Variants in CEP85L observed in about 807,000 individuals in gnomAD.
CEP85L encodes the protein centrosomal protein 85L.
In CEP85L, 60 loss-of-function variants were observed where a neutral mutation model predicts 100.3. The observed-to-expected ratio is 0.60, with a 90% CI of 0.49 to 0.74. The LOEUF is 0.74. CEP85L is among the 30% of genes least tolerant of loss of function. CEP85L has a pLI of 0.00. For synonymous variants in CEP85L, 319 were observed against 322.7 expected, an observed-to-expected ratio of 0.99 and a Z score of 0.12; for missense variants, 973 against 936.2, an observed-to-expected ratio of 1.04 and a Z score of -0.51.
At chr6:118,669,550 T>G (rs980949691) in intron 1 of CEP85L, among the ~76,000 whole-genome samples, 1 of 152,150 alleles carries the variant, frequency 6.6e-6, no homozygotes, top group African/African-American at 2.4e-5. Context: ...TACCTACTTT[T>G]AAATAACCAC....
intron 1 of CEP85L, among the ~76,000 whole-genome samples, chr6:118,674,523 C>CAAA (rs34699146): frequency 1.9e-5 from 2 of 106,352 alleles, no homozygotes; most frequent in African/African-American, 3.4e-5. Context: ...GACTCCATCT[C>CAAA]AAAAAAAAAA....
intron 3 of CEP85L, among the ~76,000 whole-genome samples, chr6:118,529,132 A>G (rs1239583039): frequency 6.6e-6 from 1 of 152,218 alleles, no homozygotes; most frequent in Admixed American, 6.5e-5. Context: ...GATGTGTTCA[A>G]ATTGATTCTT....
At chr6:118,607,531 G>A (rs573195620) in intron 2 of CEP85L, among the ~76,000 whole-genome samples, 11 of 152,290 alleles carry the variant, frequency 7.2e-5, no homozygotes, top group Admixed American at 2.0e-4. Context: ...AGAGTGCAAG[G>A]CAGATTAATC....
In CEP85L at chr6:118,660,923, T is replaced by G. The variant is rs567075274; in HGVS notation, c.-27-8115A>C. On this transcript the variant is annotated intron_variant, in intron 1 of 13. Transcript: ENST00000368488. ...TTTTTTGAGACGGAGTCTCGCACTGTCGCCTGGACTGGAGTACAATGGCAT... is the reference window on the plus strand; with the variant it reads ...TTTTTTGAGACGGAGTCTCGCACTGGCGCCTGGACTGGAGTACAATGGCAT... 2.0e-4 allele frequency among the ~76,000 whole-genome samples: 31 copies of G among 152,094 alleles called. No individual in the cohort carries two copies. In the South Asian group the frequency reaches 6.0e-3, roughly 30 times the overall value.
chr6:118,573,149 A>C (rs1184641716), intron 2 of CEP85L, among the ~76,000 whole-genome samples: 1 of 152,236 alleles, frequency 6.6e-6, no homozygotes, highest in Non-Finnish European at 1.5e-5. Context: ...AAGCTCATGA[A>C]GAAACTGCAA....
chr6:118,520,971 T>G (rs1172980708), intron 4 of CEP85L, among the ~76,000 whole-genome samples: 1 of 152,232 alleles, frequency 6.6e-6, no homozygotes, highest in Non-Finnish European at 1.5e-5. Context: ...TTTCTCTGCT[T>G]TAACCTAATA....
At chr6:118,639,249 T>C (rs1223927816) in intron 1 of CEP85L, among the ~76,000 whole-genome samples, 1 of 152,196 alleles carries the variant, frequency 6.6e-6, no homozygotes, top group Non-Finnish European at 1.5e-5. Context: ...AAAGAACCTA[T>C]TCTGCTGCTG....
intron 2 of CEP85L, among the ~76,000 whole-genome samples, chr6:118,600,359 G>GTC (rs1781715473): frequency 4.3e-5 from 6 of 139,064 alleles, no homozygotes; most frequent in African/African-American, 1.6e-4. Flanking sequence ...GTGTGTGTGT[G>GTC]TGTGTGTGTG....
intron 5 of CEP85L, among the ~76,000 whole-genome samples, chr6:118,507,583 G>A (rs1241432544): frequency 6.6e-6 from 1 of 152,118 alleles, no homozygotes; most frequent in Non-Finnish European, 1.5e-5. Context: ...CTCGGCCCTT[G>A]CTTACCTCTT....
chr6:118,682,155 G>C, intron 1 of CEP85L, among the ~76,000 whole-genome samples: 1 of 152,096 alleles, frequency 6.6e-6, no homozygotes, highest in East Asian at 1.9e-4. Context: ...GAAATATAAA[G>C]CCTGTATTGC....
chr6:118,637,341 T>C (rs374864952), intron 1 of CEP85L, among the ~76,000 whole-genome samples: 1 of 152,136 alleles, frequency 6.6e-6, no homozygotes, highest in Non-Finnish European at 1.5e-5. Context: ...TGCCACCTTA[T>C]AAACTTGAAC....
intron 6 of CEP85L, among the ~76,000 whole-genome samples, chr6:118,486,420 T>C (rs957443356): frequency 2.0e-5 from 3 of 152,218 alleles, no homozygotes; most frequent in African/African-American, 7.2e-5. Flanking sequence ...CAAAGTTACT[T>C]TTCTTTATTA....
At chr6:118,602,963 G>A (rs1781860074) in intron 2 of CEP85L, among the ~76,000 whole-genome samples, 1 of 152,022 alleles carries the variant, frequency 6.6e-6, no homozygotes, top group African/African-American at 2.4e-5. Flanking sequence ...TGGGATTACA[G>A]GTACCAACCA....
intron 5 of CEP85L, among the ~76,000 whole-genome samples, chr6:118,505,531 C>T (rs977709154): frequency 1.5e-4 from 22 of 148,712 alleles, no homozygotes; most frequent in African/African-American, 2.7e-4. Flanking sequence ...ACCCAGAAAG[C>T]GGAACATTAT....
rs545177818 is a variant in CEP85L at position 118,671,261 on chromosome 6, T to C, written c.-27-18453A>G. Among the ~76,000 whole-genome samples, 6 of 152,360 alleles carry C rather than the reference T, an allele frequency of 3.9e-5. No homozygotes were observed. In the East Asian group the frequency reaches 1.2e-3, roughly 29 times the overall value. On this transcript the variant is annotated intron_variant, in intron 1 of 13. Coordinates refer to the CEP85L transcript ENST00000368488. Reference sequence around the variant, plus strand: ...AGTGGATGTAAGTGACTTTGCAGCATACGTTTTGTTTAGCAACTTCCCCTC... The same window carrying C: ...AGTGGATGTAAGTGACTTTGCAGCACACGTTTTGTTTAGCAACTTCCCCTC...
intron 1 of CEP85L, among the ~76,000 whole-genome samples, chr6:118,649,284 T>C (rs939588829): frequency 2.0e-5 from 3 of 152,198 alleles, no homozygotes; most frequent in Non-Finnish European, 4.4e-5. Context: ...TACTGACAAA[T>C]TGAGATAAAA....
chr6:118,543,133 A>G (rs1298985800), intron 3 of CEP85L, among the ~76,000 whole-genome samples: 1 of 152,046 alleles, frequency 6.6e-6, no homozygotes, highest in African/African-American at 2.4e-5. Flanking sequence ...TGCCCAATTC[A>G]TGAATCATTA....
intron 2 of CEP85L, among the ~76,000 whole-genome samples, chr6:118,600,777 C>T (rs1055558890): frequency 6.7e-6 from 1 of 148,500 alleles, no homozygotes; most frequent in Non-Finnish European, 1.5e-5. Flanking sequence ...CATTTTCTCC[C>T]TGCCTTCAGA....
At chr6:118,491,660 A>G (rs1490990900) in intron 6 of CEP85L, 26 bp downstream of exon 6, 18 of 1,600,198 alleles carry the variant, frequency 1.1e-5, no homozygotes, top group Non-Finnish European at 1.5e-5. Flanking sequence ...TTGTTGACCT[A>G]ATTCAACTTT....
Sources: allele counts gnomAD v4.1 joint callset (sites outside exome capture counted in the v4.1 genomes callset), GRCh38; gene constraint gnomAD v4.1.1; transcripts MANE v1.5; gene names NCBI Gene and HGNC (gene_info 2026-07-23, HGNC 2026-07-21).